Variants in BCL11B observed in about 807,000 individuals in gnomAD.
BCL11B encodes the protein B-cell lymphoma/leukemia 11B.
BCL11B carries 8 observed loss-of-function variants against 49.9 expected under a neutral mutation model. The ratio of observed to expected loss-of-function variants is 0.16; its 90% confidence interval spans 0.09 to 0.29. The LOEUF (loss-of-function observed/expected upper bound fraction) is 0.29, where lower values mean the gene tolerates loss of function less well. BCL11B is among the 10% of genes least tolerant of loss of function. BCL11B has a pLI of 1.00. For synonymous variants in BCL11B, 739 were observed against 637.4 expected (o/e 1.16, Z -2.40); for missense variants, 1,006 against 1,351.0 (o/e 0.74, Z 4.00).
At chr14:99,226,187 A>G (rs764527547) in intron 3 of BCL11B, among the ~76,000 whole-genome samples, 6 of 152,204 alleles carry the variant, frequency 3.9e-5, no homozygotes, top group Non-Finnish European at 5.9e-5. Flanking sequence ...ACTCCCCTGA[A>G]AGCCCTTTTC....
At chr14:99,185,855 C>T (rs965197484) in intron 3 of BCL11B, among the ~76,000 whole-genome samples, 3 of 152,168 alleles carry the variant, frequency 2.0e-5, no homozygotes, top group Non-Finnish European at 2.9e-5. Flanking sequence ...AAGACCTCAC[C>T]GCATCTGGCA....
intron 3 of BCL11B, among the ~76,000 whole-genome samples, chr14:99,222,333 G>A (rs807734): frequency 0.55 from 83,342 of 151,964 alleles, 23,099 homozygotes; most frequent in Admixed American, 0.63. Context: ...GGCTAGCAGC[G>A]TTTTCTGTGT....
In BCL11B at chr14:99,232,349, A is replaced by G. The variant is rs1230842785; in HGVS notation, c.428-792T>C. On this transcript the variant is annotated intron_variant, in intron 2 of 3. Transcript: ENST00000357195. The surrounding 1 kb of genome is among the most constrained non-coding windows in gnomAD (Gnocchi z 5.1). ...CGCTCAGCTCCACAGCAAGGCCTGC[A>G]TTTGATTTAGCCGTTTATCTTAAAT... Among the ~76,000 whole-genome samples the G allele has an allele frequency of 6.6e-6, 1 of 152,242 alleles. No homozygotes were observed. The highest frequency in any genetic ancestry group is 6.5e-5 in the Admixed American group (1 of 15,290).
chr14:99,191,214 G>C (rs1887018876), intron 3 of BCL11B, among the ~76,000 whole-genome samples: 1 of 18,758 alleles, frequency 5.3e-5, no homozygotes, highest in African/African-American at 1.6e-4. Flanking sequence ...GAAGGGGCTT[G>C]GGCTTTGGGG....
In BCL11B at chr14:99,231,318, G is replaced by A. The variant is rs1247442510; in HGVS notation, c.640+27C>T. 8.7e-6 allele frequency: 14 copies of A among 1,601,848 alleles called. No individual in the cohort carries two copies. The highest frequency in any genetic ancestry group is 5.4e-5 in the African/African-American group (4 of 74,530). ...GCACACCCCGCCATCCCGGGGGCCC[G>A]CCCCCCACCGCGGCGTCGTCTGTTA... On this transcript the variant is annotated intron_variant, in intron 3 of 3. Transcript: ENST00000357195. The surrounding 1 kb of genome is among the most constrained non-coding windows in gnomAD (Gnocchi z 8.1).
chr14:99,271,369 T>G lies in BCL11B; in HGVS notation c.-151A>C. 2.7e-6 allele frequency: 1 copy of G among 373,058 alleles called. No homozygotes were observed. Among genetic ancestry groups the G allele is most frequent in the Non-Finnish European group, 4.5e-6 (1 of 224,544 alleles). The allele number at this position is 373,058 out of a possible 1,614,324, so 23.1% of individuals were successfully genotyped here. ...TCCTCTGCCCGGGTTGGTGTTTTTTTTCCCTTCCTCTCTTTCCCTCTCTTC... is the reference window on the plus strand; with the variant it reads ...TCCTCTGCCCGGGTTGGTGTTTTTTGTCCCTTCCTCTCTTTCCCTCTCTTC... On this transcript the variant is annotated 5_prime_UTR_variant, in exon 1 of 4. Transcript: ENST00000357195.
Position 99,217,385 on chromosome 14 carries a change from G to GACACACACACACACATACAGACAC in BCL11B, c.640+13959_640+13960insGTGTCTGTATGTGTGTGTGTGTGT, listed in dbSNP as rs1555380376. On this transcript the variant is annotated intron_variant, in intron 3 of 3. Transcript: ENST00000357195. ...GAGTACAAATATACACACACATACA[G>GACACACACACACACATACAGACAC]ACACACACACACACACACACACACA... Among the ~76,000 whole-genome samples the GACACACACACACACATACAGACAC allele has an allele frequency of 2.6e-3, 344 of 131,126 alleles. 5 individuals carry two copies. The highest frequency in any genetic ancestry group is 0.025 in the Admixed American group (321 of 13,082). 86.0% of individuals were successfully genotyped at this position (131,126 alleles called of 152,430 possible).
At chr14:99,266,830 T>C (rs1264169086) in intron 1 of BCL11B, among the ~76,000 whole-genome samples, 1 of 152,180 alleles carries the variant, frequency 6.6e-6, no homozygotes, top group Non-Finnish European at 1.5e-5. Context: ...GAAAGTATTT[T>C]ATCACAACAA....
intron 3 of BCL11B, among the ~76,000 whole-genome samples, chr14:99,187,397 GA>G (rs1004130034): frequency 2.0e-5 from 3 of 152,288 alleles, no homozygotes; most frequent in African/African-American, 7.2e-5. Flanking sequence ...AAATAATAAA[GA>G]ATGCGTTGTC....
At chr14:99,268,102 C>G (rs188904806) in intron 1 of BCL11B, among the ~76,000 whole-genome samples, 237 of 152,238 alleles carry the variant, frequency 1.6e-3, no homozygotes, top group Middle Eastern at 0.01. Context: ...TGTCTGTCCT[C>G]TGCTTTTAAA....
Position 99,257,910 on chromosome 14 carries a change from CT to C in BCL11B, c.59-72del. ...GGGCTTAGGCGGTCACAGCACCCAACTTCCGGTCCACCCCTTCCCCGCCAAG... is the reference window on the plus strand; with the variant it reads ...GGGCTTAGGCGGTCACAGCACCCAACTCCGGTCCACCCCTTCCCCGCCAAG... On this transcript the variant is annotated intron_variant, in intron 1 of 3. Transcript: ENST00000357195. This position sits in a 1 kb window ranked among gnomAD's most constrained non-coding sequence, Gnocchi z 6.2. 2 of 1,425,502 alleles carry C rather than the reference CT, an allele frequency of 1.4e-6. No homozygotes were observed. The highest frequency in any genetic ancestry group is 1.8e-6 in the Non-Finnish European group (2 of 1,085,690). 88.3% of individuals were successfully genotyped at this position (1,425,502 alleles called of 1,614,324 possible). A position where few individuals can be genotyped will look rare whatever the true frequency, so the allele number is the denominator to read the frequency against.
In BCL11B at chr14:99,228,469, G is replaced by C. The variant is rs961308479; in HGVS notation, c.640+2876C>G. On this transcript the variant is annotated intron_variant, in intron 3 of 3. Transcript: ENST00000357195. This position sits in a 1 kb window ranked among gnomAD's most constrained non-coding sequence, Gnocchi z 4.8. ...GAACTGTACCAGACATGGTGGCAGA[G>C]GGCAGGAGGTAAGAGCAGGCCCCTT... Among the ~76,000 whole-genome samples, 2 of 152,170 alleles carry C rather than the reference G, an allele frequency of 1.3e-5. No individual in the cohort carries two copies. Among genetic ancestry groups the C allele is most frequent in the Non-Finnish European group, 2.9e-5 (2 of 68,022 alleles).
chr14:99,172,294 A>AG lies in BCL11B; in HGVS notation c.*1856dup. 4.4e-6 allele frequency: 1 copy of AG among 225,734 alleles called. No homozygotes were observed. The highest frequency in any genetic ancestry group is 8.8e-6 in the Non-Finnish European group (1 of 113,126). 14.0% of individuals were successfully genotyped at this position (225,734 alleles called of 1,614,324 possible). ...TAAGCAGCGTTGTCCCAAAAACAAA[A>AG]GGGGCTGAGGATAATTCAGCTAATG... On this transcript the variant is annotated 3_prime_UTR_variant, in exon 4 of 4. Coordinates refer to ENST00000357195, the MANE Select transcript of BCL11B (RefSeq NM_138576.4).
chr14:99,235,321 G>A (rs1888463473), intron 2 of BCL11B, among the ~76,000 whole-genome samples: 1 of 152,202 alleles, frequency 6.6e-6, no homozygotes, highest in Non-Finnish European at 1.5e-5. Flanking sequence ...TACTGATAGT[G>A]CAGAAATGAG....
chr14:99,232,496 C>A lies in BCL11B; in HGVS notation c.428-939G>T, dbSNP rs577352088. On this transcript the variant is annotated intron_variant, in intron 2 of 3. Coordinates refer to ENST00000357195, the MANE Select transcript of BCL11B (RefSeq NM_138576.4). This position sits in a 1 kb window ranked among gnomAD's most constrained non-coding sequence, Gnocchi z 5.1. ...AAGCATCAGAGAGACAAAAAGGAAA[C>A]GTCAACAAGAGGATGGGCAGCTGGG... 6.6e-6 allele frequency among the ~76,000 whole-genome samples: 1 copy of A among 152,230 alleles called. No homozygotes were observed. The highest frequency in any genetic ancestry group is 1.5e-5 in the Non-Finnish European group (1 of 68,038).
At chr14:99,211,725 G>A (rs1887695621) in intron 3 of BCL11B, among the ~76,000 whole-genome samples, 1 of 152,028 alleles carries the variant, frequency 6.6e-6, no homozygotes, top group East Asian at 1.9e-4. Context: ...CTGACCTGCT[G>A]GTGCATTTCC....
At chr14:99,260,235 G>C (rs1318670899) in intron 1 of BCL11B, among the ~76,000 whole-genome samples, 1 of 152,152 alleles carries the variant, frequency 6.6e-6, no homozygotes, top group Non-Finnish European at 1.5e-5. Context: ...GCGGTACCTG[G>C]TACTATTTTA....
At position 99,172,720 on chromosome 14, in the gene BCL11B, G is replaced by A; in HGVS notation, c.*1431C>T. On this transcript the variant is annotated 3_prime_UTR_variant, in exon 4 of 4. Transcript: ENST00000357195. Reference sequence around the variant, plus strand: ...TCTGGGCCAAAGAGAAGAATATGCTGCAATTTCTTGTTTAGAAGCCATTTA... The same window carrying A: ...TCTGGGCCAAAGAGAAGAATATGCTACAATTTCTTGTTTAGAAGCCATTTA... The A allele has an allele frequency of 4.6e-6, 1 of 217,440 alleles. No homozygotes were observed. The highest frequency in any genetic ancestry group is 6.8e-5 in the East Asian group (1 of 14,676). The allele number at this position is 217,440 out of a possible 1,614,324, so 13.5% of individuals were successfully genotyped here.
chr14:99,265,548 T>G (rs547150379), intron 1 of BCL11B, among the ~76,000 whole-genome samples: 2 of 152,282 alleles, frequency 1.3e-5, no homozygotes, highest in African/African-American at 4.8e-5. Flanking sequence ...TCCCCTGAGT[T>G]CTAAGGCAAA....
Sources: gnomAD v4.1 joint callset for allele counts (sites outside exome capture counted in the v4.1 genomes callset) on GRCh38, gnomAD v4.1.1 for gene constraint, Gnocchi (gnomAD v3.1) non-coding constraint, MANE v1.5 for transcripts, NCBI Gene and HGNC (gene_info 2026-07-23, HGNC 2026-07-21) for gene names.